TMEM132D: variants seen among roughly 807,000 people sequenced by gnomAD.
TMEM132D encodes transmembrane protein 132D.
In TMEM132D, 21 loss-of-function variants were observed where a neutral mutation model predicts 62.3. That is an observed-to-expected ratio of 0.34 (90% CI 0.24 to 0.49). TMEM132D has a LOEUF of 0.49. Ranked by LOEUF, TMEM132D falls within the 20% of genes least tolerant of loss-of-function variation. TMEM132D has a pLI of 0.99. For missense variants in TMEM132D, 1,346 were observed against 1,402.8 expected, an observed-to-expected ratio of 0.96 and a Z score of 0.65; for synonymous variants, 621 against 575.6, an observed-to-expected ratio of 1.08 and a Z score of -1.13.
At chr12:129,157,365 C>T (rs1361464222) in intron 5 of TMEM132D, among the ~76,000 whole-genome samples, 3 of 152,240 alleles carry the variant, frequency 2.0e-5, no homozygotes, top group African/African-American at 7.2e-5. Flanking sequence ...TAGAGCACAT[C>T]CTATTATTTT....
At chr12:129,214,082 A>G (rs1179551711) in intron 4 of TMEM132D, among the ~76,000 whole-genome samples, 1 of 152,226 alleles carries the variant, frequency 6.6e-6, no homozygotes, top group East Asian at 1.9e-4. Flanking sequence ...ATGTGCAGAC[A>G]AAACAGACTT....
intron 1 of TMEM132D, among the ~76,000 whole-genome samples, chr12:129,813,035 C>T (rs919827832): frequency 6.6e-6 from 1 of 151,842 alleles, no homozygotes; most frequent in African/African-American, 2.4e-5. Context: ...CTTTCCGTCT[C>T]GGCGCAGAAC....
chr12:129,466,407 G>T (rs1873906446), intron 3 of TMEM132D, among the ~76,000 whole-genome samples: 1 of 146,268 alleles, frequency 6.8e-6, no homozygotes, highest in South Asian at 2.3e-4. Flanking sequence ...GAACTCCTGG[G>T]CTAAAGCAAT....
chr12:129,513,424 T>G (rs2137075227), intron 3 of TMEM132D, among the ~76,000 whole-genome samples: 1 of 152,248 alleles, frequency 6.6e-6, no homozygotes, highest in Non-Finnish European at 1.5e-5. Context: ...GGGACCAATT[T>G]TTTTTTAATT....
chr12:129,473,988 T>G (rs1874182981), intron 3 of TMEM132D, among the ~76,000 whole-genome samples: 1 of 152,226 alleles, frequency 6.6e-6, no homozygotes, highest in African/African-American at 2.4e-5. Context: ...GCTGTGTTGT[T>G]TTTTGGAGAC....
chr12:129,740,969 GC>G (rs1869588247), intron 1 of TMEM132D, among the ~76,000 whole-genome samples: 1 of 152,104 alleles, frequency 6.6e-6, no homozygotes, highest in Non-Finnish European at 1.5e-5. Context: ...GCATTTTAGG[GC>G]CCTGAATTAT....
intron 2 of TMEM132D, among the ~76,000 whole-genome samples, chr12:129,532,168 TTC>T (rs1350848682): frequency 1.3e-5 from 2 of 152,250 alleles, no homozygotes; most frequent in Non-Finnish European, 2.9e-5. Context: ...CTGCTGTGTT[TTC>T]TCTTAGTCCC....
At chr12:129,367,495 G>A (rs1391579423) in intron 3 of TMEM132D, among the ~76,000 whole-genome samples, 1 of 152,038 alleles carries the variant, frequency 6.6e-6, no homozygotes, top group Non-Finnish European at 1.5e-5. Context: ...CAAAGACCCT[G>A]CCCCGCCAGT....
chr12:129,814,611 CAAAAAA>C (rs34979485), intron 1 of TMEM132D, among the ~76,000 whole-genome samples: 5 of 94,610 alleles, frequency 5.3e-5, no homozygotes, highest in Non-Finnish European at 9.5e-5. Flanking sequence ...AACTCCCTCT[CAAAAAA>C]AAAAAAAAAA....
chr12:129,703,312 G>C (rs1881425714), intron 1 of TMEM132D, among the ~76,000 whole-genome samples: 1 of 152,168 alleles, frequency 6.6e-6, no homozygotes, highest in Non-Finnish European at 1.5e-5. Flanking sequence ...AAGCAATAAG[G>C]CAATCGGGGT....
At chr12:129,191,318 C>CAT (rs1878395991) in intron 5 of TMEM132D, among the ~76,000 whole-genome samples, 1 of 151,538 alleles carries the variant, frequency 6.6e-6, no homozygotes, top group Non-Finnish European at 1.5e-5. Flanking sequence ...CACACACACA[C>CAT]ACACACACTT....
chr12:129,255,744 A>G (rs1880383158), intron 4 of TMEM132D, among the ~76,000 whole-genome samples: 1 of 152,226 alleles, frequency 6.6e-6, no homozygotes, highest in Non-Finnish European at 1.5e-5. Flanking sequence ...ATAGTAAAAC[A>G]GCTACAGCAT....
intron 4 of TMEM132D, among the ~76,000 whole-genome samples, chr12:129,245,526 A>C (rs1270072008): frequency 6.6e-6 from 1 of 151,728 alleles, no homozygotes; most frequent in Non-Finnish European, 1.5e-5. Context: ...ATCTGTGTGC[A>C]GCCAATATTC....
chr12:129,594,346 G>A (rs1178649910), intron 2 of TMEM132D, among the ~76,000 whole-genome samples: 4 of 152,172 alleles, frequency 2.6e-5, no homozygotes, highest in Non-Finnish European at 5.9e-5. Flanking sequence ...CCAGCTACAT[G>A]CACACTAACG....
At chr12:129,739,612 T>C (rs1047217863) in intron 1 of TMEM132D, among the ~76,000 whole-genome samples, 3 of 152,188 alleles carry the variant, frequency 2.0e-5, no homozygotes, top group African/African-American at 7.2e-5. Flanking sequence ...GAGTTGCTGC[T>C]TTAGAAAGCT....
intron 4 of TMEM132D, among the ~76,000 whole-genome samples, chr12:129,241,449 C>T (rs1485299500): frequency 6.6e-6 from 1 of 152,166 alleles, no homozygotes; most frequent in African/African-American, 2.4e-5. Flanking sequence ...GCCCCACCGA[C>T]CTGCTTTCTG....
chr12:129,475,464 A>G (rs1874227604), intron 3 of TMEM132D, among the ~76,000 whole-genome samples: 1 of 152,242 alleles, frequency 6.6e-6, no homozygotes, highest in Non-Finnish European at 1.5e-5. Context: ...AGGTCTAAGA[A>G]ACAGAGACAG....
intron 3 of TMEM132D, among the ~76,000 whole-genome samples, chr12:129,487,936 CAAAAAAAAAAAAAAAAA>C: frequency 1.8e-5 from 1 of 54,694 alleles, no homozygotes; most frequent in African/African-American, 8.1e-5. Flanking sequence ...GACTCCATCT[CAAAAAAAAAAAAAAAAA>C]AAAAAAAAAA....
intron 2 of TMEM132D, among the ~76,000 whole-genome samples, chr12:129,545,394 T>C (rs867924875): frequency 6.6e-6 from 1 of 152,252 alleles, no homozygotes. Flanking sequence ...AGTTAGAATT[T>C]TTTCTTTTAT....
Sources: allele counts gnomAD v4.1 joint callset (sites outside exome capture counted in the v4.1 genomes callset), GRCh38; gene constraint gnomAD v4.1.1; transcripts MANE v1.5; gene names NCBI Gene and HGNC (gene_info 2026-07-23, HGNC 2026-07-21).